Variants in EFHB observed in about 807,000 individuals in gnomAD.
The protein encoded by EFHB is EF-hand domain-containing family member B.
A neutral mutation model predicts 87.2 loss-of-function variants in EFHB; 91 were observed. The observed-to-expected ratio is 1.04, with a 90% CI of 0.88 to 1.24. EFHB has a LOEUF of 1.24. EFHB is among the 50% of genes most tolerant of loss of function. The probability of loss-of-function intolerance (pLI) is 0.00; values close to 1 mark genes in which losing one functional copy is unlikely to be tolerated. For missense variants in EFHB, 1,084 were observed against 998.8 expected, an observed-to-expected ratio of 1.09 and a Z score of -1.15; for synonymous variants, 325 against 333.6, an observed-to-expected ratio of 0.97 and a Z score of 0.28.
In EFHB at chr3:19,888,390, A is replaced by G. The variant is rs919929617; in HGVS notation, c.1933+54T>C. The G allele has an allele frequency of 1.3e-4, 135 of 1,054,380 alleles. 2 individuals are homozygous for G. Among genetic ancestry groups the G allele is most frequent in the Non-Finnish European group, 1.6e-4 (126 of 801,448 alleles). The allele number at this position is 1,054,380 out of a possible 1,614,324, so 65.3% of individuals were successfully genotyped here. A position where few individuals can be genotyped will look rare whatever the true frequency, so the allele number is the denominator to read the frequency against. On this transcript the variant is annotated intron_variant, in intron 10 of 12. Transcript: ENST00000295824. ...CGTCTGTATTAAAAATAATAATAAT[A>G]AATTTTAAAATTTAAAAAAATAATA... is the stretch of plus-strand genomic sequence containing the variant.
intron 1 of EFHB, 45 bp from the exon 2 acceptor site, chr3:19,920,612 G>A (rs1274668230): frequency 2.0e-6 from 3 of 1,472,130 alleles, no homozygotes; most frequent in Non-Finnish European, 2.8e-6. Flanking sequence ...GGTGGAAGAG[G>A]AGCATTTTGA....
At chr3:19,896,584 T>C (rs964327539) in intron 9 of EFHB, 103 bp downstream of exon 9, 4 of 1,445,860 alleles carry the variant, frequency 2.8e-6, no homozygotes, top group South Asian at 1.1e-5. Flanking sequence ...AACAGTGGGC[T>C]GGATTTGGCC....
chr3:19,929,371 T>G (rs1420429349), intron 1 of EFHB, among the ~76,000 whole-genome samples: 4 of 151,730 alleles, frequency 2.6e-5, no homozygotes, highest in African/African-American at 9.7e-5. Context: ...TCTGGAAGAA[T>G]AAAAAATGAA....
chr3:19,896,970 G>T, intron 8 of EFHB, 129 bp from the exon 9 acceptor site: 1 of 790,964 alleles, frequency 1.3e-6, no homozygotes, highest in Non-Finnish European at 1.9e-6. Context: ...ACATGATTAT[G>T]CAGCATGTCA....
intron 2 of EFHB, among the ~76,000 whole-genome samples, chr3:19,920,189 A>G (rs1695389409): frequency 6.6e-6 from 1 of 152,206 alleles, no homozygotes; most frequent in Non-Finnish European, 1.5e-5. Flanking sequence ...TCCTGAGAAC[A>G]TGTGTCCTAA....
At chr3:19,919,422 G>T (rs1201014365) in intron 3 of EFHB, among the ~76,000 whole-genome samples, 2 of 150,672 alleles carry the variant, frequency 1.3e-5, no homozygotes. Context: ...GGCCAGGCTG[G>T]TCTCAAACTC....
At chr3:19,941,384 A>G in intron 1 of EFHB, 1 of 169,692 alleles carries the variant, frequency 5.9e-6, no homozygotes, top group Non-Finnish European at 1.3e-5. Flanking sequence ...CACAAGCAGT[A>G]TGGGGATGTC....
At chr3:19,888,684 G>C (rs191556621) in intron 9 of EFHB, 33 bp from the exon 10 acceptor site, 1 of 1,554,554 alleles carries the variant, frequency 6.4e-7, no homozygotes, top group South Asian at 1.2e-5. Context: ...ACATAAAATG[G>C]GAGTTGTCTT....
intron 1 of EFHB, among the ~76,000 whole-genome samples, chr3:19,924,162 T>C (rs1695535174): frequency 6.6e-6 from 1 of 152,114 alleles, no homozygotes; most frequent in Non-Finnish European, 1.5e-5. Flanking sequence ...GCATTCTTTC[T>C]ATATTTATTA....
intron 5 of EFHB, among the ~76,000 whole-genome samples, chr3:19,914,270 G>A (rs1283959542): frequency 6.6e-6 from 1 of 152,138 alleles, no homozygotes; most frequent in Non-Finnish European, 1.5e-5. Flanking sequence ...GGATTAGACT[G>A]TGCAATAGAC....
chr3:19,897,189 T>C (rs1382409639), intron 8 of EFHB, among the ~76,000 whole-genome samples: 1 of 152,254 alleles, frequency 6.6e-6, no homozygotes, highest in Admixed American at 6.5e-5. Context: ...GCTGAGGATC[T>C]GAAAGCTAGG....
intron 5 of EFHB, among the ~76,000 whole-genome samples, chr3:19,906,709 AT>A (rs200886459): frequency 2.2e-5 from 3 of 134,204 alleles, no homozygotes; most frequent in Non-Finnish European, 3.3e-5. Flanking sequence ...AAAAAAAAAA[AT>A]CTTAAAAATT....
chr3:19,926,433 G>A (rs900596103), intron 1 of EFHB, among the ~76,000 whole-genome samples: 2 of 151,718 alleles, frequency 1.3e-5, no homozygotes, highest in Non-Finnish European at 2.9e-5. Context: ...GCGCAATCTC[G>A]GCTCACTGCA....
At position 19,884,818 on chromosome 3, in the gene EFHB, A is replaced by C. The variant is rs192644612; in HGVS notation, c.1934-203T>G. On this transcript the variant is annotated intron_variant, in intron 10 of 12. Transcript: ENST00000295824. ...ATGCCAGGAAATCTGAACATGGCCT[A>C]ATGTTTTCTTCTGCTACTCCACTCA... is the stretch of plus-strand genomic sequence containing the variant. Among the ~76,000 whole-genome samples the C allele has an allele frequency of 9.2e-5, 14 of 152,062 alleles. No individual in the cohort carries two copies. The East Asian group carries it at 2.7e-3, about 29-fold the overall frequency.
At chr3:19,944,048 CT>C (rs1205197698) in intron 1 of EFHB, among the ~76,000 whole-genome samples, 15 of 152,168 alleles carry the variant, frequency 9.9e-5, no homozygotes, top group Non-Finnish European at 1.9e-4. Flanking sequence ...AAGACACAAG[CT>C]TTTGAAACAT....
At chr3:19,939,437 T>C (rs1055751872) in intron 1 of EFHB, among the ~76,000 whole-genome samples, 5 of 126,156 alleles carry the variant, frequency 4.0e-5, no homozygotes, top group South Asian at 2.7e-4. Context: ...CAGGCTGGAG[T>C]GCAGTGGCGC....
chr3:19,899,463 AC>A lies in EFHB; in HGVS notation c.1470del (p.Lys490AsnfsTer10). 1 of 1,606,358 alleles carries A rather than the reference AC, an allele frequency of 6.2e-7. No individual in the cohort carries two copies. The highest frequency in any genetic ancestry group is 8.5e-7 in the Non-Finnish European group (1 of 1,177,728). On this transcript the variant is annotated frameshift_variant, in exon 7 of 13. Transcript: ENST00000295824. LOFTEE classifies it high-confidence loss of function. ...VSKRADDFKE[K>X]FQHKLGRVLD... is the part of the protein sequence containing the mutation. ...AAAACTCTTCCAAGTTTATGTTGAA[AC>A]TTTTCTTTGAAATCATCTGCTCTTT... is the stretch of plus-strand genomic sequence containing the variant.
intron 5 of EFHB, among the ~76,000 whole-genome samples, chr3:19,908,959 G>A (rs1575021083): frequency 6.6e-6 from 1 of 152,000 alleles, no homozygotes; most frequent in South Asian, 2.1e-4. Flanking sequence ...TGTTCAGAGA[G>A]AGGAAGTGGA....
chr3:19,910,266 T>C (rs1165084464), intron 5 of EFHB, among the ~76,000 whole-genome samples: 1 of 151,998 alleles, frequency 6.6e-6, no homozygotes, highest in Non-Finnish European at 1.5e-5. Flanking sequence ...AACTTCAAGC[T>C]GACTTAAGAG....
Sources: gnomAD v4.1 joint callset for allele counts (sites outside exome capture counted in the v4.1 genomes callset) on GRCh38, gnomAD v4.1.1 for gene constraint, MANE v1.5 for transcripts, NCBI Gene and HGNC (gene_info 2026-07-23, HGNC 2026-07-21) for gene names.